The following IL34 variants were observed in gnomAD, a reference collection of about 807,000 sequenced individuals.
The protein encoded by IL34 is interleukin 34.
A neutral mutation model predicts 25.3 loss-of-function variants in IL34; 17 were observed. The ratio of observed to expected loss-of-function variants is 0.67; its 90% CI spans 0.46 to 1.01. The LOEUF is 1.01. Ranked by LOEUF, IL34 falls within the 50% of genes least tolerant of loss-of-function variation. The pLI is 0.00. For missense variants in IL34, 368 were observed against 312.9 expected (o/e 1.18, Z -1.33); for synonymous variants, 174 against 140.9 (o/e 1.23, Z -1.66).
intron 2 of IL34, among the ~76,000 whole-genome samples, 170 bp downstream of exon 2, chr16:70,654,841 C>T (rs2052174587): frequency 6.6e-6 from 1 of 152,132 alleles, no homozygotes; most frequent in Non-Finnish European, 1.5e-5. Context: ...TCTGCACTTA[C>T]TGACCCTCCT....
At chr16:70,629,822 T>A (rs1434335801) in intron 1 of IL34, among the ~76,000 whole-genome samples, 2 of 152,020 alleles carry the variant, frequency 1.3e-5, no homozygotes, top group South Asian at 2.1e-4. Flanking sequence ...GTACATGGGG[T>A]CTCCATTTTC....
upstream of IL34, among the ~76,000 whole-genome samples, chr16:70,644,508 A>G (rs924578084): frequency 2.0e-5 from 3 of 152,288 alleles, no homozygotes; most frequent in Admixed American, 2.0e-4. Context: ...CTTGATTATT[A>G]TAGTAATTAC....
intron 1 of IL34, among the ~76,000 whole-genome samples, chr16:70,592,298 T>A (rs374254103): frequency 3.8e-4 from 58 of 152,192 alleles, no homozygotes; most frequent in African/African-American, 1.4e-3. Context: ...AGCGGGTGCC[T>A]CCTGTTCTAC....
chr16:70,652,886 A>G (rs970443116), intron 1 of IL34, among the ~76,000 whole-genome samples: 1 of 152,184 alleles, frequency 6.6e-6, no homozygotes, highest in Non-Finnish European at 1.5e-5. Context: ...GCCAACATCA[A>G]GTAGTAATTG....
At chr16:70,583,779 G>A (rs1228560962) in intron 1 of IL34, among the ~76,000 whole-genome samples, 1 of 152,020 alleles carries the variant, frequency 6.6e-6, no homozygotes, top group Non-Finnish European at 1.5e-5. Flanking sequence ...AGCCTCCCCA[G>A]TAGCTGGAAT....
At chr16:70,634,260 G>A (rs1046242318) in intron 1 of IL34, among the ~76,000 whole-genome samples, 1 of 152,008 alleles carries the variant, frequency 6.6e-6, no homozygotes, top group Non-Finnish European at 1.5e-5. Context: ...TTCCAAACAA[G>A]GTCATATTCT....
At chr16:70,604,589 A>G (rs2050969885) in intron 1 of IL34, among the ~76,000 whole-genome samples, 4 of 152,308 alleles carry the variant, frequency 2.6e-5, no homozygotes, top group South Asian at 4.1e-4. Flanking sequence ...CATTTTCCCC[A>G]TTGTTCTCCA....
intron 1 of IL34, 97 bp from the exon 2 acceptor site, chr16:70,654,441 A>G (rs962881687): frequency 4.8e-6 from 7 of 1,466,218 alleles, no homozygotes; most frequent in South Asian, 2.8e-5. Context: ...CTTGTCTCCT[A>G]TGCAAATGGA....
upstream of IL34, among the ~76,000 whole-genome samples, chr16:70,641,750 A>G (rs1307354836): frequency 1.3e-5 from 2 of 151,688 alleles, no homozygotes; most frequent in African/African-American, 2.4e-5. Context: ...TATTTTTTGT[A>G]GAGACAGGGT....
upstream of IL34, among the ~76,000 whole-genome samples, chr16:70,645,139 GAGGA>G (rs1278065909): frequency 4.6e-4 from 67 of 146,802 alleles, no homozygotes; most frequent in African/African-American, 1.1e-3. Flanking sequence ...GGAGGAAGAC[GAGGA>G]AGGAGGAGGA....
chr16:70,657,017 A>G lies in IL34; in HGVS notation c.298A>G (p.Ser100Gly), dbSNP rs1320559763. 2 of 1,612,420 alleles carry G rather than the reference A, an allele frequency of 1.2e-6. No homozygotes were observed. The highest frequency in any genetic ancestry group is 1.7e-6 in the Non-Finnish European group (2 of 1,179,956). Residue 100 changes from serine (S) to glycine (G), a missense_variant, in exon 4 of 6, where the codon AGT becomes GGT. Transcript: ENST00000288098. ...LRYLWVLVSL[S>G]ATESVQDVLL... is the part of the protein sequence containing the mutation. ...GTATCTGTGGGTCTTGGTGAGCCTC[A>G]GTGCCACTGAGTCGGTGCAGGACGT...
intron 1 of IL34, among the ~76,000 whole-genome samples, chr16:70,650,480 C>T (rs1383293824): frequency 6.6e-6 from 1 of 152,110 alleles, no homozygotes; most frequent in Non-Finnish European, 1.5e-5. Context: ...GCCGGGTCCC[C>T]AGGGCCCCAG....
intron 1 of IL34, among the ~76,000 whole-genome samples, chr16:70,610,572 C>T (rs1361134022): frequency 6.6e-6 from 1 of 152,214 alleles, no homozygotes. Context: ...GAACGACACA[C>T]AACACACAAC....
intron 1 of IL34, among the ~76,000 whole-genome samples, chr16:70,591,858 G>C (rs1004192376): frequency 6.6e-6 from 1 of 152,234 alleles, no homozygotes; most frequent in African/African-American, 2.4e-5. Context: ...CCTGAGGCTC[G>C]GTGCTGGGGC....
chr16:70,582,630 T>C (rs1294276800), intron 1 of IL34, among the ~76,000 whole-genome samples: 1 of 152,202 alleles, frequency 6.6e-6, no homozygotes, highest in Non-Finnish European at 1.5e-5. Context: ...ACCGTGGAAG[T>C]CAAGGCTGCA....
At chr16:70,643,319 C>G (rs558154038), upstream of IL34, among the ~76,000 whole-genome samples, 1 of 152,190 alleles carries the variant, frequency 6.6e-6, no homozygotes, top group Non-Finnish European at 1.5e-5. Flanking sequence ...CTGCCTTGGC[C>G]TCCCAAACTG....
chr16:70,619,005 G>A (rs921200294), intron 1 of IL34, among the ~76,000 whole-genome samples: 17 of 152,154 alleles, frequency 1.1e-4, no homozygotes, highest in Non-Finnish European at 1.9e-4. Flanking sequence ...GAGGATAGGA[G>A]AGTATATGGG....
rs1425298750 is a variant in IL34 at position 70,660,085 on chromosome 16, C to T, written c.627C>T (p.Ala209=). The T allele has an allele frequency of 3.7e-6, 6 of 1,613,648 alleles. No homozygotes were observed. The highest frequency in any genetic ancestry group is 1.7e-5 in the Admixed American group (1 of 59,968). ...CAGAGCCCTCATTGCAGTATGCGGC[C>T]ACCCAGCTGTACCCTCCGCCCCCGT... ...CSPEPSLQYA[A]TQLYPPPPWS... The change falls in exon 6 of 6, where the codon GCC becomes GCT. Residue 209 remains alanine (A), a synonymous_variant. Coordinates refer to ENST00000288098, the MANE Select transcript of IL34 (RefSeq NM_001393494.1).
chr16:70,643,786 G>A (rs2051842577), upstream of IL34, among the ~76,000 whole-genome samples: 1 of 152,008 alleles, frequency 6.6e-6, no homozygotes, highest in Non-Finnish European at 1.5e-5. Flanking sequence ...AGGGAAAATT[G>A]AACGTGGATT....
Sources: gnomAD v4.1 joint callset for allele counts (sites outside exome capture counted in the v4.1 genomes callset) on GRCh38, gnomAD v4.1.1 for gene constraint, MANE v1.5 for transcripts, NCBI Gene and HGNC (gene_info 2026-07-23, HGNC 2026-07-21) for gene names.